The following LSAMP variants were observed in gnomAD, a reference collection of about 807,000 sequenced individuals.
LSAMP encodes limbic system-associated membrane protein.
LSAMP carries 7 observed loss-of-function variants against 38.6 expected under a neutral mutation model. That is an observed-to-expected ratio of 0.18 (90% CI 0.10 to 0.34). The LOEUF (loss-of-function observed/expected upper bound fraction) is 0.34, where lower values mean the gene tolerates loss of function less well. LSAMP is among the 10% of genes least tolerant of loss of function. The probability of loss-of-function intolerance (pLI) is 1.00; values close to 1 mark genes in which losing one functional copy is unlikely to be tolerated. For missense variants in LSAMP, 313 were observed against 420.0 expected (o/e 0.75, Z 2.23); for synonymous variants, 154 against 166.8 (o/e 0.92, Z 0.59).
intron 1 of LSAMP, among the ~76,000 whole-genome samples, chr3:116,201,993 C>T (rs1163354135): frequency 6.6e-6 from 1 of 152,130 alleles, no homozygotes; most frequent in Non-Finnish European, 1.5e-5. Context: ...AGTTCATAAA[C>T]TCCCCTCTTC....
Position 115,901,292 on chromosome 3 carries a change from T to C in LSAMP, c.515-48675A>G, listed in dbSNP as rs182451877. On this transcript the variant is annotated intron_variant, in intron 3 of 6. Coordinates refer to ENST00000490035, the MANE Select transcript of LSAMP (RefSeq NM_002338.5). ...CTAGATAGGAAGGCATGTGAGGAGG[T>C]AATATGTATAATAATACATTTTTGT... Among the ~76,000 whole-genome samples, 151 of 152,092 alleles carry C rather than the reference T, an allele frequency of 9.9e-4. 1 individual carries two copies. The highest frequency in any genetic ancestry group is 3.4e-3 in the African/African-American group (143 of 41,510).
chr3:116,068,275 C>T (rs895735039), intron 2 of LSAMP, among the ~76,000 whole-genome samples: 7 of 152,042 alleles, frequency 4.6e-5, no homozygotes, highest in African/African-American at 1.7e-4. Context: ...CCATTCCATC[C>T]AGAAGAGTAA....
At chr3:115,868,083 G>C (rs920129217) in intron 3 of LSAMP, among the ~76,000 whole-genome samples, 1 of 152,098 alleles carries the variant, frequency 6.6e-6, no homozygotes, top group Non-Finnish European at 1.5e-5. Flanking sequence ...TTTAGATTTA[G>C]GCTTGGGCAG....
intron 3 of LSAMP, among the ~76,000 whole-genome samples, chr3:116,003,350 C>G (rs1296133491): frequency 1.3e-5 from 2 of 152,096 alleles, no homozygotes; most frequent in African/African-American, 4.8e-5. Context: ...TAGAAAATCT[C>G]TTCTCAGATT....
chr3:116,139,643 T>A (rs1476514325), intron 1 of LSAMP, among the ~76,000 whole-genome samples: 1 of 152,010 alleles, frequency 6.6e-6, no homozygotes, highest in Non-Finnish European at 1.5e-5. Flanking sequence ...TCTTTCATCG[T>A]CAACCTAGGG....
At chr3:116,171,638 T>A (rs1389575938) in intron 1 of LSAMP, among the ~76,000 whole-genome samples, 1 of 152,038 alleles carries the variant, frequency 6.6e-6, no homozygotes, top group African/African-American at 2.4e-5. Context: ...TAAAATAGGA[T>A]TTTATTTTGG....
chr3:116,168,287 GCT>G (rs983171638), intron 1 of LSAMP, among the ~76,000 whole-genome samples: 4 of 152,056 alleles, frequency 2.6e-5, no homozygotes, highest in Non-Finnish European at 4.4e-5. Flanking sequence ...CTGGAGGGGA[GCT>G]CTCTCTGTGC....
At chr3:116,291,077 T>C (rs747240907) in intron 1 of LSAMP, among the ~76,000 whole-genome samples, 6 of 152,236 alleles carry the variant, frequency 3.9e-5, no homozygotes, top group Non-Finnish European at 7.3e-5. Flanking sequence ...ATCATGTTTA[T>C]GTCTTTTCTC....
intron 1 of LSAMP, among the ~76,000 whole-genome samples, chr3:116,408,826 A>G (rs183943968): frequency 6.6e-6 from 1 of 152,146 alleles, no homozygotes; most frequent in East Asian, 1.9e-4. Context: ...TCAGATACAC[A>G]ATGACTATAA....
intron 3 of LSAMP, among the ~76,000 whole-genome samples, chr3:115,989,895 C>T (rs1421419889): frequency 6.6e-6 from 1 of 151,794 alleles, no homozygotes; most frequent in African/African-American, 2.4e-5. Context: ...CAGAATAAAC[C>T]CAAGATGATG....
At chr3:116,389,839 A>C (rs2048669470) in intron 1 of LSAMP, among the ~76,000 whole-genome samples, 1 of 152,190 alleles carries the variant, frequency 6.6e-6, no homozygotes, top group African/African-American at 2.4e-5. Context: ...TTTTATTTAA[A>C]ATAATAAAAA....
intron 1 of LSAMP, among the ~76,000 whole-genome samples, chr3:116,132,594 AG>A (rs1210137150): frequency 1.8e-4 from 27 of 152,326 alleles, no homozygotes; most frequent in African/African-American, 6.5e-4. Context: ...CAAATTTTTA[AG>A]GTGGCGAGTA....
intron 1 of LSAMP, among the ~76,000 whole-genome samples, chr3:116,233,419 A>AAG (rs2046427382): frequency 1.3e-5 from 2 of 151,000 alleles, no homozygotes; most frequent in Non-Finnish European, 3.0e-5. Context: ...TCTCAAAAAA[A>AAG]AAAAAAAAAA....
At chr3:116,314,809 C>A (rs1448750399) in intron 1 of LSAMP, among the ~76,000 whole-genome samples, 1 of 152,046 alleles carries the variant, frequency 6.6e-6, no homozygotes, top group East Asian at 1.9e-4. Flanking sequence ...TATATAGGTT[C>A]TAAGAATGAA....
intron 4 of LSAMP, among the ~76,000 whole-genome samples, chr3:115,843,794 A>G (rs992980004): frequency 9.2e-5 from 14 of 152,142 alleles, no homozygotes; most frequent in Admixed American, 2.6e-4. Context: ...TTTGTCTGCA[A>G]TTTCCTTCCT....
chr3:115,948,692 C>A (rs561738667), intron 3 of LSAMP, among the ~76,000 whole-genome samples: 1 of 152,194 alleles, frequency 6.6e-6, no homozygotes, highest in African/African-American at 2.4e-5. Flanking sequence ...AAAACACAAA[C>A]AGACAATGTA....
chr3:115,900,512 C>CAAAAAAAAAAAAAAAAAAAAAAAAA, intron 3 of LSAMP, among the ~76,000 whole-genome samples: 1 of 74,352 alleles, frequency 1.3e-5, no homozygotes, highest in Non-Finnish European at 2.8e-5. Flanking sequence ...TGAGACTGTC[C>CAAAAAAAAAAAAAAAAAAAAAAAAA]AAAAAAAAAA....
intron 1 of LSAMP, among the ~76,000 whole-genome samples, chr3:116,276,684 GA>G (rs200897808): frequency 0.045 from 4,767 of 106,696 alleles, 200 homozygotes; most frequent in African/African-American, 0.14. Flanking sequence ...TAAAAAAAAA[GA>G]AAAAAAAAAA....
At chr3:116,252,602 T>C (rs1045748498) in intron 1 of LSAMP, among the ~76,000 whole-genome samples, 1 of 147,974 alleles carries the variant, frequency 6.8e-6, no homozygotes, top group African/African-American at 2.4e-5. Flanking sequence ...GCTCTTGTAA[T>C]CTTATGAATT....
Sources: gnomAD v4.1 joint callset for allele counts (sites outside exome capture counted in the v4.1 genomes callset) on GRCh38, gnomAD v4.1.1 for gene constraint, MANE v1.5 for transcripts, NCBI Gene and HGNC (gene_info 2026-07-23, HGNC 2026-07-21) for gene names.